The following OR10X1 variants were observed in gnomAD, a reference collection of about 807,000 sequenced individuals.
OR10X1 encodes olfactory receptor 10X1.
For missense variants in OR10X1, 449 were observed against 387.0 expected, an observed-to-expected ratio of 1.16 and a Z score of -1.34; for synonymous variants, 179 against 142.6, an observed-to-expected ratio of 1.26 and a Z score of -1.82.
chr1:158,579,276 A>C lies in OR10X1; in HGVS notation c.624T>G (p.Ser208Arg), dbSNP rs774794585. Residue 208 changes from serine (S) to arginine (R), a missense_variant, in exon 1 of 1, where the codon AGT becomes AGG. Coordinates refer to ENST00000623167, the MANE Select transcript of OR10X1 (RefSeq NM_001004477.1). ...GTGTTATAATGAATTCTGTGTGGTT[A>C]CTGTCTATACAAGACAGCCTAATAA... ...LAVIRLSCID[S>R]NHTEFIITLI... is the part of the protein sequence containing the mutation. The C allele has an allele frequency of 2.0e-5, 33 of 1,613,966 alleles. No homozygotes were observed. Among genetic ancestry groups the C allele is most frequent in the Non-Finnish European group, 2.8e-5 (33 of 1,179,962 alleles).
chr1:158,579,377 C>G lies in OR10X1; in HGVS notation c.523G>C (p.Glu175Gln). 6.2e-7 allele frequency: 1 copy of G among 1,613,868 alleles called. No individual in the cohort carries two copies. Among genetic ancestry groups the G allele is most frequent in the Non-Finnish European group, 8.5e-7 (1 of 1,179,936 alleles). ...CTAGFFISLT[E>Q]TALIFRDSFC... is the part of the protein sequence containing the mutation. ...GAGTCCCTGAATATCAGTGCAGTCT[C>G]TGTAAGAGAGATAAAGAAGCCTGCA... The change falls in exon 1 of 1, where the codon GAG (glutamate) becomes CAG (glutamine). Residue 175 changes from glutamate to glutamine, a missense_variant. Coordinates refer to ENST00000623167, the MANE Select transcript of OR10X1 (RefSeq NM_001004477.1).
chr1:158,579,743 G>A lies in OR10X1; in HGVS notation c.157C>T (p.Leu53Phe), dbSNP rs776193129. ...LFVVFFCLYL[L>F]TLAGNLIIMG... is the part of the protein sequence containing the mutation. ...ATGATCAGATTACCTGCAAGGGTGAGAAGGTAGAGACAAAAGAAGACCACA... is the reference window on the plus strand; with the variant it reads ...ATGATCAGATTACCTGCAAGGGTGAAAAGGTAGAGACAAAAGAAGACCACA... Residue 53 changes from leucine to phenylalanine, a missense_variant, in exon 1 of 1, where the codon CTC (leucine) becomes TTC (phenylalanine). Physicochemically the swap from Leu to Phe is conservative, Grantham distance 22. Coordinates refer to ENST00000623167, the MANE Select transcript of OR10X1 (RefSeq NM_001004477.1). The A allele has an allele frequency of 3.7e-6, 6 of 1,614,102 alleles. 1 individual carries two copies. The highest frequency in any genetic ancestry group is 5.1e-6 in the Non-Finnish European group (6 of 1,179,980).
chr1:158,578,934 A>G lies in OR10X1; in HGVS notation c.966T>C (p.Val322=). The part of the protein sequence containing the change: ...NAFRRMMGNT[V]ALKK ...CAACCCAAGATTATTTTTTCAAGGC[A>G]ACTGTGTTTCCCATCATTCTTCTAA... The change falls in exon 1 of 1, where the codon GTT becomes GTC. Residue 322 remains valine, a synonymous_variant. Coordinates refer to ENST00000623167, the MANE Select transcript of OR10X1 (RefSeq NM_001004477.1). The G allele has an allele frequency of 1.3e-6, 2 of 1,586,574 alleles. No homozygotes were observed. Among genetic ancestry groups the G allele is most frequent in the Non-Finnish European group, 1.7e-6 (2 of 1,169,866 alleles).
Position 158,579,348 on chromosome 1 carries a change from G to A in OR10X1, c.552C>T (p.Phe184=), listed in dbSNP as rs139262126. Residue 184 remains phenylalanine (F), a synonymous_variant, in exon 1 of 1, where the codon TTC becomes TTT. Coordinates refer to ENST00000623167, the MANE Select transcript of OR10X1 (RefSeq NM_001004477.1). ...AGTGTTTGACAAGGTTGGGTCTGCA[G>A]AAAGAGTCCCTGAATATCAGTGCAG... is the stretch of plus-strand genomic sequence containing the variant. The part of the protein sequence containing the change: ...TETALIFRDS[F]CRPNLVKHFF... 15 of 1,613,876 alleles carry A rather than the reference G, an allele frequency of 9.3e-6. No homozygotes were observed. In the African/African-American group the frequency reaches 2.0e-4, roughly 22 times the overall value.
chr1:158,579,594 C>T lies in OR10X1; in HGVS notation c.306G>A (p.Leu102=), dbSNP rs1444059725. The T allele has an allele frequency of 1.9e-6, 3 of 1,614,084 alleles. No homozygotes were observed. Among genetic ancestry groups the T allele is most frequent in the Non-Finnish European group, 2.5e-6 (3 of 1,179,994 alleles). Residue 102 remains leucine, a synonymous_variant, in exon 1 of 1, where the codon CTG becomes CTA. Transcript: ENST00000623167. ...TIVPKMLEDL[L]AKDRSISVTG... ...TGACTGAAATGCTTCTGTCCTTGGC[C>T]AGTAGATCTTCCAGCATCTTGGGGA... is the stretch of plus-strand genomic sequence containing the variant.
At position 158,579,593 on chromosome 1, in the gene OR10X1, C is replaced by T; in HGVS notation, c.307G>A (p.Ala103Thr). ...IVPKMLEDLL[A>T]KDRSISVTGC... ...GTGACTGAAATGCTTCTGTCCTTGG[C>T]CAGTAGATCTTCCAGCATCTTGGGG... Residue 103 changes from alanine to threonine, a missense_variant, in exon 1 of 1, where the codon GCC becomes ACC. Coordinates refer to ENST00000623167, the MANE Select transcript of OR10X1 (RefSeq NM_001004477.1). 3 of 1,614,064 alleles carry T rather than the reference C, an allele frequency of 1.9e-6. No homozygotes were observed. Among genetic ancestry groups the T allele is most frequent in the Middle Eastern group, 1.6e-4 (1 of 6,062 alleles).
rs988345127 is a variant in OR10X1 at position 158,578,941 on chromosome 1, T to C, written c.959A>G (p.Asn320Ser). 6.3e-7 allele frequency: 1 copy of C among 1,594,528 alleles called. No homozygotes were observed. The highest frequency in any genetic ancestry group is 8.5e-7 in the Non-Finnish European group (1 of 1,173,122). ...AGATTATTTTTTCAAGGCAACTGTG[T>C]TTCCCATCATTCTTCTAAAAGCATT... ...MKNAFRRMMGNTVALKK is the reference protein window; with the variant it reads ...MKNAFRRMMGSTVALKK Residue 320 changes from asparagine to serine, a missense_variant, in exon 1 of 1, where the codon AAC becomes AGC. Coordinates refer to ENST00000623167, the MANE Select transcript of OR10X1 (RefSeq NM_001004477.1).
rs755525530 is a variant in OR10X1, at chr1:158,579,167, G to A, written c.733C>T (p.Pro245Ser). 1 of 1,613,894 alleles carries A rather than the reference G, an allele frequency of 6.2e-7. No individual in the cohort carries two copies. The highest frequency in any genetic ancestry group is 1.1e-5 in the South Asian group (1 of 91,050). Residue 245 changes from proline to serine, a missense_variant, in exon 1 of 1, where the codon CCT (proline) becomes TCT (serine). Transcript: ENST00000623167. ...VFIISTVLRI[P>S]SAEGKQKAFT... ...GCCTTCTGCTTGCCCTCAGCTGAAG[G>A]GATCCTGAGGACAGTAGAAATAATG...
chr1:158,579,288 A>G lies in OR10X1; in HGVS notation c.612T>C (p.Ser204=). ...ATTCTGTGTGGTTACTGTCTATACA[A>G]GACAGCCTAATAACTGCCAGCATAT... ...FCHMLAVIRL[S]CIDSNHTEFI... is the part of the protein sequence containing the mutation. The change falls in exon 1 of 1, where the codon TCT becomes TCC. Residue 204 remains serine (S), a synonymous_variant. Coordinates refer to ENST00000623167, the MANE Select transcript of OR10X1 (RefSeq NM_001004477.1). 1 of 1,613,990 alleles carries G rather than the reference A, an allele frequency of 6.2e-7. No homozygotes were observed.
chr1:158,579,636 G>A lies in OR10X1; in HGVS notation c.264C>T (p.Cys88=). 1.9e-6 allele frequency: 3 copies of A among 1,614,110 alleles called. No homozygotes were observed. Among genetic ancestry groups the A allele is most frequent in the Non-Finnish European group, 2.5e-6 (3 of 1,179,976 alleles). ...FLSALSFSET[C]YTLTIVPKML... ...TCTTGGGGACGATGGTCAGCGTATA[G>A]CAGGTCTCAGAGAAGGAGAGTGCAC... Residue 88 remains cysteine (C), a synonymous_variant, in exon 1 of 1, where the codon TGC becomes TGT. Coordinates refer to ENST00000623167, the MANE Select transcript of OR10X1 (RefSeq NM_001004477.1).
rs757917177 is a variant in OR10X1, at chr1:158,579,780, C to T, written c.120G>A (p.Gln40=). The change falls in exon 1 of 1, where the codon CAG becomes CAA. Residue 40 remains glutamine, a synonymous_variant. Transcript: ENST00000623167. ...LVGFSVYPHV[Q]TFLFVVFFCL... is the part of the protein sequence containing the mutation. ...AAAAGAAGACCACAAAAAGAAATGT[C>T]TGTACATGTGGGTACACAGAAAAGC... is the stretch of plus-strand genomic sequence containing the variant. 2 of 1,614,108 alleles carry T rather than the reference C, an allele frequency of 1.2e-6. No individual in the cohort carries two copies. The highest frequency in any genetic ancestry group is 8.5e-7 in the Non-Finnish European group (1 of 1,179,988).
Position 158,579,370 on chromosome 1 carries a change from G to T in OR10X1, c.530C>A (p.Ala177Glu), listed in dbSNP as rs1319865601. ...AGFFISLTET[A>E]LIFRDSFCRP... ...GCAGAAAGAGTCCCTGAATATCAGT[G>T]CAGTCTCTGTAAGAGAGATAAAGAA... is the stretch of plus-strand genomic sequence containing the variant. Residue 177 changes from alanine to glutamate, a missense_variant, in exon 1 of 1, where the codon GCA (alanine) becomes GAA (glutamate). Transcript: ENST00000623167. The T allele has an allele frequency of 6.2e-7, 1 of 1,613,790 alleles. No individual in the cohort carries two copies. The highest frequency in any genetic ancestry group is 1.3e-5 in the African/African-American group (1 of 74,874).
At position 158,579,015 on chromosome 1, in the gene OR10X1, G is replaced by A; in HGVS notation, c.885C>T (p.Thr295=). 1 of 1,613,976 alleles carries A rather than the reference G, an allele frequency of 6.2e-7. No individual in the cohort carries two copies. Among genetic ancestry groups the A allele is most frequent in the Non-Finnish European group, 8.5e-7 (1 of 1,179,930 alleles). The part of the protein sequence containing the change: ...TLIAVPYTVI[T]PFLSPIIFSL... ...TGAATATGATGGGGCTGAGGAAGGG[G>A]GTAATGACAGTATAAGGGACTGCTA... The change falls in exon 1 of 1, where the codon ACC becomes ACT. Residue 295 remains threonine (T), a synonymous_variant. Transcript: ENST00000623167.
In OR10X1 at chr1:158,579,726, A is replaced by T. The variant is rs1453507335; in HGVS notation, c.174T>A (p.Asn58Lys). ...FCLYLLTLAG[N>K]LIIMGLTWVD... ...CCCAAGTTAGACCCATGATGATCAG[A>T]TTACCTGCAAGGGTGAGAAGGTAGA... The change falls in exon 1 of 1, where the codon AAT becomes AAA. Residue 58 changes from asparagine (N) to lysine (K), a missense_variant. Physicochemically the swap from Asn to Lys is moderately conservative, Grantham distance 94 (BLOSUM62 0). Coordinates refer to ENST00000623167, the MANE Select transcript of OR10X1 (RefSeq NM_001004477.1). 6.2e-7 allele frequency: 1 copy of T among 1,613,918 alleles called. No individual in the cohort carries two copies. Among genetic ancestry groups the T allele is most frequent in the Non-Finnish European group, 8.5e-7 (1 of 1,179,808 alleles).
Position 158,579,686 on chromosome 1 carries a change from G to A in OR10X1, c.214C>T (p.His72Tyr), listed in dbSNP as rs753192076. ...CTAAGGAAGAGATACATAGGGGTGT[G>A]GAGGGACCTGTCCACCCAAGTTAGA... ...MGLTWVDRSL[H>Y]TPMYLFLSAL... Residue 72 changes from histidine to tyrosine, a missense_variant, in exon 1 of 1, where the codon CAC becomes TAC. Coordinates refer to ENST00000623167, the MANE Select transcript of OR10X1 (RefSeq NM_001004477.1). The A allele has an allele frequency of 6.2e-7, 1 of 1,613,976 alleles. No homozygotes were observed. The highest frequency in any genetic ancestry group is 1.1e-5 in the South Asian group (1 of 91,056).
rs750319670 is a variant in OR10X1 at position 158,579,328 on chromosome 1, T to C, written c.572A>G (p.Lys191Arg). 3 of 1,613,836 alleles carry C rather than the reference T, an allele frequency of 1.9e-6. No individual in the cohort carries two copies. In the African/African-American group the frequency reaches 4.0e-5, roughly 22 times the overall value. Reference protein sequence around the residue: ...RDSFCRPNLVKHFFCHMLAVI... With the variant: ...RDSFCRPNLVRHFFCHMLAVI... The stretch of plus-strand genomic sequence containing the variant: ...TGCCAGCATATGGCAGAAGAAGTGT[T>C]TGACAAGGTTGGGTCTGCAGAAAGA... The change falls in exon 1 of 1, where the codon AAA becomes AGA. Residue 191 changes from lysine (K) to arginine (R), a missense_variant. Lys to Arg is a conservative substitution (Grantham distance 26). Coordinates refer to ENST00000623167, the MANE Select transcript of OR10X1 (RefSeq NM_001004477.1).
rs148543427 is a variant in OR10X1, at chr1:158,579,782, G to A, written c.118C>T (p.Gln40Ter). The A allele has an allele frequency of 8.1e-6, 13 of 1,613,954 alleles. No homozygotes were observed. The African/African-American group carries it at 1.6e-4, about 20-fold the overall frequency. ...AAGAAGACCACAAAAAGAAATGTCT[G>A]TACATGTGGGTACACAGAAAAGCCA... Reference protein sequence around the residue: ...LVGFSVYPHVQTFLFVVFFCL... With the variant: ...LVGFSVYPHV Residue 40 changes from glutamine (Q) to a stop codon, truncating the protein, a stop_gained, in exon 1 of 1, where the codon CAG becomes TAG. Coordinates refer to ENST00000623167, the MANE Select transcript of OR10X1 (RefSeq NM_001004477.1). LOFTEE classifies it low-confidence loss of function (END_TRUNC).
At position 158,579,242 on chromosome 1, in the gene OR10X1, C is replaced by T; in HGVS notation, c.658G>A (p.Val220Met). The T allele has an allele frequency of 2.5e-6, 4 of 1,613,902 alleles. No individual in the cohort carries two copies. The highest frequency in any genetic ancestry group is 3.4e-6 in the Non-Finnish European group (4 of 1,179,954). ...HTEFIITLIS[V>M]SGLLGTLLLI... ...AGAAGGGTACCCAGCAAACCAGACA[C>T]TGAGATCAGTGTTATAATGAATTCT... The change falls in exon 1 of 1, where the codon GTG becomes ATG. Residue 220 changes from valine (V) to methionine (M), a missense_variant. Transcript: ENST00000623167.
At position 158,579,832 on chromosome 1, in the gene OR10X1, G is replaced by A. The variant is rs762241852; in HGVS notation, c.68C>T (p.Thr23Ile). The stretch of plus-strand genomic sequence containing the variant: ...AACAAGAATGAATTCCTTCAGGATT[G>A]TCTGGTTGATCTTCATCGTTTGAAT... Reference protein sequence around the residue: ...SDIQTMKINQTILKEFILVGF... With the variant: ...SDIQTMKINQIILKEFILVGF... The change falls in exon 1 of 1, where the codon ACA becomes ATA. Residue 23 changes from threonine to isoleucine, a missense_variant. By Grantham distance (89) the Thr-to-Ile change is moderately conservative. Transcript: ENST00000623167. The A allele has an allele frequency of 6.2e-7, 1 of 1,612,172 alleles. No homozygotes were observed. The highest frequency in any genetic ancestry group is 8.5e-7 in the Non-Finnish European group (1 of 1,179,302).
Sources: allele counts gnomAD v4.1 joint callset, GRCh38; gene constraint gnomAD v4.1.1; transcripts MANE v1.5; gene names NCBI Gene and HGNC (gene_info 2026-07-23, HGNC 2026-07-21).